Variants in NAV2 observed in about 807,000 individuals in gnomAD.
NAV2 encodes neuron navigator 2.
Under a neutral mutation model 223.2 loss-of-function variants are expected in NAV2, and 54 were observed. The ratio of observed to expected loss-of-function variants is 0.24; its 90% CI spans 0.19 to 0.30. NAV2 has a LOEUF of 0.30. Ranked by LOEUF, NAV2 falls within the 10% of genes least tolerant of loss-of-function variation. The pLI, the probability that NAV2 is intolerant of heterozygous loss-of-function variation, is 1.00. For synonymous variants in NAV2, 1,279 were observed against 1,239.3 expected (o/e 1.03, Z -0.67); for missense variants, 2,806 against 3,147.5 (o/e 0.89, Z 2.60).
chr11:19,839,107 T>C (rs1215360043), intron 2 of NAV2, among the ~76,000 whole-genome samples: 1 of 152,218 alleles, frequency 6.6e-6, no homozygotes, highest in African/African-American at 2.4e-5. Context: ...GTTGGATCTG[T>C]GTGTTCAACG....
chr11:20,058,186 T>C (rs1280485714), intron 19 of NAV2, among the ~76,000 whole-genome samples: 1 of 152,230 alleles, frequency 6.6e-6, no homozygotes, highest in African/African-American at 2.4e-5. Context: ...TGGAAGAAAA[T>C]TGACATTTCA....
intron 1 of NAV2, among the ~76,000 whole-genome samples, chr11:19,691,146 T>C (rs762455536): frequency 4.6e-5 from 7 of 152,206 alleles, no homozygotes; most frequent in Non-Finnish European, 7.3e-5. Context: ...ACTGCTGCTG[T>C]TCCAGGGATC....
At chr11:19,655,084 T>C (rs1385855672) in intron 1 of NAV2, among the ~76,000 whole-genome samples, 2 of 152,136 alleles carry the variant, frequency 1.3e-5, no homozygotes, top group East Asian at 3.9e-4. Context: ...GGGTGAAGGA[T>C]ATGAACAGAC....
At chr11:19,655,024 T>A (rs2048079652) in intron 1 of NAV2, among the ~76,000 whole-genome samples, 2 of 152,128 alleles carry the variant, frequency 1.3e-5, no homozygotes, top group Admixed American at 6.5e-5. Flanking sequence ...GAATCTACAA[T>A]GAACTCCAAC....
chr11:19,445,379 G>A (rs1851546832), intron 1 of NAV2, among the ~76,000 whole-genome samples: 1 of 152,030 alleles, frequency 6.6e-6, no homozygotes, highest in Non-Finnish European at 1.5e-5. Flanking sequence ...GCTGAGGGAG[G>A]GGACTCTGAA....
At chr11:19,859,263 T>C (rs1195636664) in intron 3 of NAV2, among the ~76,000 whole-genome samples, 6 of 147,020 alleles carry the variant, frequency 4.1e-5, no homozygotes, top group African/African-American at 7.5e-5. Context: ...AGGTCTCTGG[T>C]TTTCCTAGGC....
At chr11:20,081,823 A>ATT in intron 25 of NAV2, among the ~76,000 whole-genome samples, 3 of 152,364 alleles carry the variant, frequency 2.0e-5, no homozygotes, top group African/African-American at 7.2e-5. Flanking sequence ...CTTTAGAAAA[A>ATT]GGAAATTACT....
chr11:19,426,034 C>A (rs1850813625), intron 1 of NAV2, among the ~76,000 whole-genome samples: 1 of 152,094 alleles, frequency 6.6e-6, no homozygotes, highest in Non-Finnish European at 1.5e-5. Flanking sequence ...TGGGATATTT[C>A]CTGAAGTTGC....
intron 1 of NAV2, among the ~76,000 whole-genome samples, chr11:19,741,704 T>C (rs2052838254): frequency 8.0e-6 from 1 of 124,476 alleles, no homozygotes; most frequent in Non-Finnish European, 1.7e-5. Context: ...TATATATATA[T>C]ATATATATAT....
chr11:20,088,958 A>G (rs185067007), intron 26 of NAV2, among the ~76,000 whole-genome samples: 144 of 152,222 alleles, frequency 9.5e-4, no homozygotes, highest in African/African-American at 3.3e-3. Context: ...TAGTCTTCTC[A>G]AGATAGAACC....
At chr11:19,994,355 T>C (rs7127328) in intron 11 of NAV2, among the ~76,000 whole-genome samples, 7,815 of 152,188 alleles carry the variant, frequency 0.051, 619 homozygotes, top group African/African-American at 0.18. Context: ...GAGGCTAGCC[T>C]AGCCAACATG....
In NAV2 at chr11:20,103,252, T is replaced by C. The variant is rs770018816; in HGVS notation, c.6418-3T>C. On this transcript the variant is annotated splice_region_variant and splice_polypyrimidine_tract_variant and intron_variant, in intron 32 of 37. Transcript: ENST00000349880. ...TCTCCTTCGGCCTTCCTGGCCACCA[T>C]AGGAATTGCGCCAGTACCTGTCCAA... is the stretch of plus-strand genomic sequence containing the variant. 35 of 1,610,874 alleles carry C rather than the reference T, an allele frequency of 2.2e-5. No homozygotes were observed. Among genetic ancestry groups the C allele is most frequent in the Non-Finnish European group, 2.7e-5 (32 of 1,178,292 alleles).
At chr11:19,958,707 G>C (rs1395877619) in intron 10 of NAV2, among the ~76,000 whole-genome samples, 1 of 152,232 alleles carries the variant, frequency 6.6e-6, no homozygotes, top group Non-Finnish European at 1.5e-5. Flanking sequence ...GTCCACCACT[G>C]TCACTACCAG....
At position 19,998,413 on chromosome 11, in the gene NAV2, C is replaced by T. The variant is rs958222191; in HGVS notation, c.2768+14166C>T. ...CACTGTACCCACCAGGGCCTTCATG[C>T]GGTACGTTCTCCACCCAGAAGCTAT... On this transcript the variant is annotated intron_variant, in intron 11 of 37. Transcript: ENST00000349880. The surrounding 1 kb of genome is among the most constrained non-coding windows in gnomAD (Gnocchi z 5.0). 5.9e-5 allele frequency among the ~76,000 whole-genome samples: 9 copies of T among 152,142 alleles called. No homozygotes were observed. Among genetic ancestry groups the T allele is most frequent in the Admixed American group, 2.0e-4 (3 of 15,258 alleles).
intron 32 of NAV2, among the ~76,000 whole-genome samples, 179 bp from the exon 33 acceptor site, chr11:20,103,076 C>G (rs2061751994): frequency 6.6e-6 from 1 of 152,176 alleles, no homozygotes; most frequent in East Asian, 1.9e-4. Flanking sequence ...CACTCTGCAT[C>G]CCCTGAGGAC....
chr11:20,100,372 A>C (rs1554965222), intron 31 of NAV2, among the ~76,000 whole-genome samples: 1 of 152,070 alleles, frequency 6.6e-6, no homozygotes, highest in Non-Finnish European at 1.5e-5. Context: ...CCCGCCTTGC[A>C]TTTTTCCTCC....
intron 11 of NAV2, among the ~76,000 whole-genome samples, chr11:20,000,038 A>G (rs1303870427): frequency 6.6e-6 from 1 of 152,042 alleles, no homozygotes; most frequent in East Asian, 1.9e-4. Flanking sequence ...TCTCTTTGTG[A>G]TCTGCTTTGG....
At chr11:19,860,048 C>G (rs1370483266) in intron 3 of NAV2, among the ~76,000 whole-genome samples, 7 of 124,384 alleles carry the variant, frequency 5.6e-5, no homozygotes, top group Non-Finnish European at 1.2e-4. Flanking sequence ...GGGGCTGACC[C>G]CCCCCAACTC....
At chr11:19,625,324 G>C (rs1363960393) in intron 1 of NAV2, among the ~76,000 whole-genome samples, 1 of 152,130 alleles carries the variant, frequency 6.6e-6, no homozygotes, top group African/African-American at 2.4e-5. Flanking sequence ...GCAGTGTTTA[G>C]CTTGTTTCAC....
Sources: gnomAD v4.1 joint callset for allele counts (sites outside exome capture counted in the v4.1 genomes callset) on GRCh38, gnomAD v4.1.1 for gene constraint, Gnocchi (gnomAD v3.1) non-coding constraint, MANE v1.5 for transcripts, NCBI Gene and HGNC (gene_info 2026-07-23, HGNC 2026-07-21) for gene names.